Variants in GRID2 observed in about 807,000 individuals in gnomAD.
GRID2 encodes glutamate receptor ionotropic, delta-2.
GRID2 carries 33 observed loss-of-function variants against 114.8 expected under a neutral mutation model. The observed-to-expected ratio is 0.29, with a 90% CI of 0.22 to 0.38. The LOEUF (loss-of-function observed/expected upper bound fraction) is 0.38. Among genes scored for constraint, GRID2 ranks in the 10% least tolerant of loss-of-function variants. The probability of loss-of-function intolerance (pLI) is 1.00; values close to 1 mark genes in which losing one functional copy is unlikely to be tolerated. For missense variants in GRID2, 1,184 were observed against 1,257.7 expected, an observed-to-expected ratio of 0.94 and a Z score of 0.89; for synonymous variants, 505 against 449.9, an observed-to-expected ratio of 1.12 and a Z score of -1.55.
chr4:92,937,421 C>A (rs1459086245), intron 2 of GRID2, among the ~76,000 whole-genome samples: 2 of 146,528 alleles, frequency 1.4e-5, no homozygotes, highest in South Asian at 2.3e-4. Flanking sequence ...TCCAGTTGTT[C>A]CAGCAACATT....
chr4:92,445,660 A>G (rs1007745772), intron 1 of GRID2, among the ~76,000 whole-genome samples: 1 of 152,188 alleles, frequency 6.6e-6, no homozygotes, highest in Admixed American at 6.5e-5. Flanking sequence ...TGATTTAGGA[A>G]CAAGCCATGG....
At chr4:93,413,989 A>G (rs1905733) in intron 9 of GRID2, among the ~76,000 whole-genome samples, 2,895 of 152,232 alleles carry the variant, frequency 0.019, 49 homozygotes, top group Admixed American at 0.034. Context: ...ACATACTCCA[A>G]CTAAAAATCA....
chr4:92,908,190 T>C (rs1253143324), intron 2 of GRID2, among the ~76,000 whole-genome samples: 7 of 152,188 alleles, frequency 4.6e-5, no homozygotes, highest in East Asian at 1.9e-4. Context: ...ATTTTGTTAA[T>C]AGTTTTTTTA....
At chr4:93,802,940 A>T (rs542525240) in intron 1 of GRID2, among the ~76,000 whole-genome samples, 76 of 152,334 alleles carry the variant, frequency 5.0e-4, no homozygotes, top group African/African-American at 1.8e-3. Flanking sequence ...TGTGCAAAAG[A>T]TCGTAAGCGC....
At chr4:93,768,604 G>C (rs1408616880) in intron 14 of GRID2, among the ~76,000 whole-genome samples, 12 of 152,134 alleles carry the variant, frequency 7.9e-5, no homozygotes. Flanking sequence ...AGGGAAACTA[G>C]ATCAGTTGTG....
intron 3 of GRID2, among the ~76,000 whole-genome samples, chr4:93,102,652 C>G (rs1308756662): frequency 6.6e-6 from 1 of 151,754 alleles, no homozygotes; most frequent in African/African-American, 2.4e-5. Flanking sequence ...ATGTAGAAAA[C>G]AAGGGAGGCA....
chr4:93,623,221 C>T (rs7678638), intron 13 of GRID2, among the ~76,000 whole-genome samples: 111,761 of 151,938 alleles, frequency 0.74, 41,672 homozygotes, highest in African/African-American at 0.86. Flanking sequence ...GTTTGTTACA[C>T]AGGTATACAC....
At chr4:92,872,327 G>C (rs1257866096) in intron 2 of GRID2, among the ~76,000 whole-genome samples, 3 of 152,032 alleles carry the variant, frequency 2.0e-5, no homozygotes, top group Non-Finnish European at 4.4e-5. Flanking sequence ...TAGTTAAACT[G>C]AAAACTTTCC....
chr4:93,483,008 A>G (rs1726026994), intron 11 of GRID2, among the ~76,000 whole-genome samples: 1 of 151,974 alleles, frequency 6.6e-6, no homozygotes, highest in Non-Finnish European at 1.5e-5. Flanking sequence ...CAATTTGACT[A>G]TCAATAAACT....
chr4:93,133,053 T>G (rs1311702521), intron 4 of GRID2, among the ~76,000 whole-genome samples: 1 of 152,182 alleles, frequency 6.6e-6, no homozygotes, highest in Non-Finnish European at 1.5e-5. Context: ...CCATGAGACA[T>G]TAAGGGATTT....
intron 1 of GRID2, among the ~76,000 whole-genome samples, chr4:92,336,947 CG>C (rs1727205544): frequency 3.7e-5 from 3 of 82,124 alleles, no homozygotes; most frequent in African/African-American, 1.2e-4. Context: ...TCAGGTCTTT[CG>C]TTGTTGTTTT....
At position 92,940,124 on chromosome 4, in the gene GRID2, G is replaced by T. The variant is rs1452540305; in HGVS notation, c.245-144871G>T. 1.4e-5 allele frequency among the ~76,000 whole-genome samples: 2 copies of T among 146,990 alleles called. 1 individual carries two copies. Among genetic ancestry groups the T allele is most frequent in the East Asian group, 4.3e-4 (2 of 4,652 alleles). ...GAAGAAAGTCATTGGTAGCTTAATGGGGATGGCATTGAAACTATAAATTAC... is the reference window on the plus strand; with the variant it reads ...GAAGAAAGTCATTGGTAGCTTAATGTGGATGGCATTGAAACTATAAATTAC... On this transcript the variant is annotated intron_variant, in intron 2 of 15. Transcript: ENST00000282020.
intron 2 of GRID2, among the ~76,000 whole-genome samples, chr4:93,047,220 TAA>T (rs1254974148): frequency 2.0e-5 from 3 of 152,012 alleles, no homozygotes; most frequent in Non-Finnish European, 4.4e-5. Flanking sequence ...AAGAGGAGCA[TAA>T]AGAGATATTC....
At chr4:93,439,706 T>C (rs541229287) in intron 10 of GRID2, among the ~76,000 whole-genome samples, 3 of 152,042 alleles carry the variant, frequency 2.0e-5, no homozygotes, top group Non-Finnish European at 4.4e-5. Flanking sequence ...TAATTATTTT[T>C]GCTGCGAGGG....
chr4:93,094,858 G>A (rs1731067718), intron 3 of GRID2, among the ~76,000 whole-genome samples: 1 of 151,782 alleles, frequency 6.6e-6, no homozygotes, highest in South Asian at 2.1e-4. Context: ...TGAGCCCCAA[G>A]CATAAGTAAC....
At chr4:93,710,204 C>G (rs1302974763) in intron 14 of GRID2, among the ~76,000 whole-genome samples, 42 of 152,184 alleles carry the variant, frequency 2.8e-4, no homozygotes. Flanking sequence ...TTGTACCCCT[C>G]TTTCCTGGAA....
intron 1 of GRID2, among the ~76,000 whole-genome samples, chr4:92,387,138 T>C (rs1325065365): frequency 6.6e-6 from 1 of 151,898 alleles, no homozygotes; most frequent in Non-Finnish European, 1.5e-5. Flanking sequence ...ATTATACTAA[T>C]GTAATTCATG....
chr4:93,283,246 G>A (rs1387025656), intron 8 of GRID2, among the ~76,000 whole-genome samples: 1 of 151,964 alleles, frequency 6.6e-6, no homozygotes, highest in Middle Eastern at 3.2e-3. Flanking sequence ...GTTATGTACT[G>A]TTTCATTTTA....
chr4:93,322,362 C>G (rs1410701856), intron 8 of GRID2, among the ~76,000 whole-genome samples: 1 of 152,120 alleles, frequency 6.6e-6, no homozygotes, highest in East Asian at 1.9e-4. Flanking sequence ...CATGTCCTTA[C>G]AAAGGACATG....
Sources: allele counts gnomAD v4.1 joint callset (sites outside exome capture counted in the v4.1 genomes callset), GRCh38; gene constraint gnomAD v4.1.1; transcripts MANE v1.5; gene names NCBI Gene and HGNC (gene_info 2026-07-23, HGNC 2026-07-21).